Variants in TENM1 observed in about 807,000 individuals in gnomAD.
The protein encoded by TENM1 is teneurin transmembrane protein 1, also known as teneurin-1.
Under a neutral mutation model 174.8 loss-of-function variants are expected in TENM1, and 35 were observed. That is an observed-to-expected ratio of 0.20 (90% CI 0.15 to 0.27). The LOEUF (loss-of-function observed/expected upper bound fraction) is 0.27, where lower values mean the gene tolerates loss of function less well. Ranked by LOEUF, TENM1 falls within the 10% of genes least tolerant of loss-of-function variation. TENM1 has a pLI of 1.00. For synonymous variants in TENM1, 781 were observed against 798.7 expected (o/e 0.98, Z 0.37); for missense variants, 1,633 against 2,130.1 (o/e 0.77, Z 4.59).
chrX:124,450,636 G>A, intron 23 of TENM1, among the ~76,000 whole-genome samples: 1 of 112,137 alleles, frequency 8.9e-6, no homozygotes, highest in East Asian at 2.8e-4. Flanking sequence ...TATCATAACT[G>A]TGGGGTACAC....
intron 6 of TENM1, among the ~76,000 whole-genome samples, chrX:124,665,510 A>T (rs936361010): frequency 8.9e-6 from 1 of 112,915 alleles, no homozygotes; most frequent in African/African-American, 3.2e-5. Context: ...TTGAATTGCA[A>T]CGGAATTCTC....
intron 1 of TENM1, among the ~76,000 whole-genome samples, chrX:124,958,601 A>G (rs2058611442): frequency 1.8e-5 from 2 of 111,419 alleles, no homozygotes; most frequent in South Asian, 7.7e-4. Flanking sequence ...CTCCTGACAT[A>G]GGTATGGAAG....
At chrX:125,044,975 T>C in the TENM1 span, among the ~76,000 whole-genome samples, 1 of 111,703 alleles carries the variant, frequency 9.0e-6, no homozygotes, top group African/African-American at 3.3e-5. Context: ...TATGAAGAAC[T>C]GCCTGGGACT....
In TENM1 at chrX:124,396,304, C is replaced by CTTTTTTTTTTTTTTTT. The variant is rs1257692658; in HGVS notation, c.5392-3957_5392-3956insAAAAAAAAAAAAAAAA. On this transcript the variant is annotated intron_variant, in intron 27 of 31. Coordinates refer to ENST00000422452, the Ensembl canonical transcript of TENM1. Reference sequence around the variant, plus strand: ...CTTTTCCAGCTGAGCCTCTCCCAACCTTTTTTTTTTTTTTCGAGCCGGAGT... The same window carrying CTTTTTTTTTTTTTTTT: ...CTTTTCCAGCTGAGCCTCTCCCAACCTTTTTTTTTTTTTTTTTTTTTTTTTTTTTTCGAGCCGGAGT... Among the ~76,000 whole-genome samples the CTTTTTTTTTTTTTTTT allele has an allele frequency of 5.3e-4, 37 of 70,435 alleles. 3 individuals carry two copies. The highest frequency in any genetic ancestry group is 1.2e-3 in the East Asian group (3 of 2,435). The allele number at this position is 70,435 out of a possible 115,157, so 61.2% of individuals were successfully genotyped here. A position where few individuals can be genotyped will look rare whatever the true frequency, so the allele number is the denominator to read the frequency against.
chrX:124,864,644 T>C (rs1368728989), intron 3 of TENM1, among the ~76,000 whole-genome samples: 3 of 111,155 alleles, frequency 2.7e-5, no homozygotes, highest in Admixed American at 1.9e-4. Context: ...CTAAGAGTTA[T>C]TGGCCTTAAA....
intron 3 of TENM1, among the ~76,000 whole-genome samples, chrX:124,841,832 G>A (rs867658815): frequency 2.9e-4 from 32 of 111,641 alleles, no homozygotes; most frequent in Middle Eastern, 4.2e-3. Flanking sequence ...GGGATTATAC[G>A]AATTCTGGAA....
chrX:124,498,707 A>T (rs1046414986), intron 19 of TENM1, among the ~76,000 whole-genome samples: 1 of 107,755 alleles, frequency 9.3e-6, no homozygotes, highest in South Asian at 4.1e-4. Flanking sequence ...AGAGTCAGTT[A>T]CTCCCTCCTC....
At chrX:124,914,598 T>C (rs2057891785) in intron 1 of TENM1, among the ~76,000 whole-genome samples, 1 of 112,193 alleles carries the variant, frequency 8.9e-6, no homozygotes, top group Admixed American at 9.4e-5. Context: ...TCCTTTACCA[T>C]TGCCTTTTTG....
chrX:125,005,184 A>G, the TENM1 span, among the ~76,000 whole-genome samples: 12 of 63,076 alleles, frequency 1.9e-4, no homozygotes, highest in African/African-American at 6.4e-4. Flanking sequence ...TAAAAGATGT[A>G]TACATACACA....
chrX:124,590,951 C>G (rs969960496), intron 11 of TENM1, among the ~76,000 whole-genome samples: 1 of 112,211 alleles, frequency 8.9e-6, no homozygotes, highest in Non-Finnish European at 1.9e-5. Context: ...ATAGTTAAGT[C>G]TTGCTGAATT....
At chrX:125,158,205 C>G in the TENM1 span, among the ~76,000 whole-genome samples, 8 of 109,070 alleles carry the variant, frequency 7.3e-5, no homozygotes, top group African/African-American at 2.3e-4. Flanking sequence ...GAGATGGAGA[C>G]CATCCTGGCC....
chrX:125,077,145 C>T, the TENM1 span, among the ~76,000 whole-genome samples: 2,387 of 111,066 alleles, frequency 0.021, 49 homozygotes, highest in African/African-American at 0.073. Flanking sequence ...ATAAAATAAT[C>T]GGAAGGAACT....
At chrX:124,378,301 A>T (rs1192525462) in exon 32 of TENM1, 4 of 112,556 alleles carry the variant, frequency 3.6e-5, no homozygotes, top group Admixed American at 9.5e-5. Flanking sequence ...ATATAAGCAA[A>T]ATAGACTCTA....
intron 30 of TENM1, among the ~76,000 whole-genome samples, 186 bp from the exon 34 acceptor site, chrX:124,382,998 C>T (rs985703561): frequency 2.8e-5 from 3 of 108,973 alleles, no homozygotes; most frequent in African/African-American, 1.0e-4. Flanking sequence ...CTCTGTTGCC[C>T]AGGCTGGAGT....
chrX:124,716,009 G>A (rs764342542), intron 4 of TENM1, among the ~76,000 whole-genome samples: 1 of 111,979 alleles, frequency 8.9e-6, no homozygotes, highest in Non-Finnish European at 1.9e-5. Flanking sequence ...TTATGCTAAT[G>A]CAACTTTTGA....
chrX:124,741,557 G>C (rs150499715), intron 3 of TENM1, among the ~76,000 whole-genome samples: 217 of 111,782 alleles, frequency 1.9e-3, no homozygotes, highest in Non-Finnish European at 2.8e-3. Flanking sequence ...AACCTAATAA[G>C]AATGACAGCA....
intron 1 of TENM1, among the ~76,000 whole-genome samples, chrX:124,922,996 T>C (rs1275151713): frequency 8.9e-6 from 1 of 111,756 alleles, no homozygotes. Context: ...GGGCATAAAA[T>C]ACAAATGTGG....
chrX:124,813,011 A>G lies in TENM1; in HGVS notation c.536-75814T>C, dbSNP rs184349457. Among the ~76,000 whole-genome samples the G allele has an allele frequency of 7.7e-3, 860 of 111,386 alleles. 7 individuals carry two copies. The highest frequency in any genetic ancestry group is 0.027 in the African/African-American group (819 of 30,815). On this transcript the variant is annotated intron_variant, in intron 3 of 31. Transcript: ENST00000422452. Reference sequence around the variant, plus strand: ...ACTCACACATACCCACAGAAATGATAAAAGACAAATAACAAACTGGGAAAA... The same window carrying G: ...ACTCACACATACCCACAGAAATGATGAAAGACAAATAACAAACTGGGAAAA...
intron 1 of TENM1, among the ~76,000 whole-genome samples, chrX:124,902,162 G>A (rs751601430): frequency 8.9e-5 from 10 of 111,939 alleles, no homozygotes; most frequent in South Asian, 3.7e-4. Context: ...ATTATAACCC[G>A]AACCTGTTAT....
Sources: gnomAD v4.1 joint callset for allele counts (sites outside exome capture counted in the v4.1 genomes callset) on GRCh38, gnomAD v4.1.1 for gene constraint, MANE v1.5 for transcripts, NCBI Gene and HGNC (gene_info 2026-07-23, HGNC 2026-07-21) for gene names.